ENY2: variants seen among roughly 807,000 people sequenced by gnomAD.
ENY2 encodes the protein transcription and mRNA export factor ENY2.
Under a neutral mutation model 15.9 loss-of-function variants are expected in ENY2, and 4 were observed. That is an observed-to-expected ratio of 0.25 (90% CI 0.12 to 0.57). The LOEUF is 0.57. ENY2 is among the 20% of genes least tolerant of loss of function. The pLI, the probability that ENY2 is intolerant of heterozygous loss-of-function variation, is 0.91. For synonymous variants in ENY2, 48 were observed against 38.0 expected (o/e 1.26, Z -0.97); for missense variants, 54 against 117.2 (o/e 0.46, Z 2.49).
In ENY2 at chr8:109,336,113, C is replaced by T; in HGVS notation, c.7-15C>T. ...TGTAAATGTTCTATATCTGAAAGTA[C>T]ATGTTGATGTCCAGGTTAGCAAGAT... On this transcript the variant is annotated splice_polypyrimidine_tract_variant and intron_variant, in intron 1 of 4. Transcript: ENST00000521688. 4 of 1,611,772 alleles carry T rather than the reference C, an allele frequency of 2.5e-6. No homozygotes were observed. The highest frequency in any genetic ancestry group is 1.7e-4 in the Middle Eastern group (1 of 6,056).
intron 1 of ENY2, 67 bp downstream of exon 1, chr8:109,334,541 T>G: frequency 1.3e-6 from 2 of 1,555,422 alleles, no homozygotes; most frequent in Non-Finnish European, 8.7e-7. Context: ...CGATGTACTG[T>G]CTTTCGTTAG....
intron 4 of ENY2, chr8:109,342,680 T>G (rs772684508): frequency 1.4e-6 from 1 of 697,486 alleles, no homozygotes; most frequent in South Asian, 1.5e-5. Context: ...ACTAATTTTA[T>G]TTTTTGTAGA....
At position 109,344,908 on chromosome 8, in the gene ENY2, C is replaced by G. The variant is rs898509080; in HGVS notation, c.*1427C>G. On this transcript the variant is annotated 3_prime_UTR_variant, in exon 5 of 5. Transcript: ENST00000521688. ...TAAGTGGCCTTAGTAAAATTCAAGT[C>G]TGGTTATTTTATTCCCCTGCTTGGA... 7 of 152,154 alleles carry G rather than the reference C, an allele frequency of 4.6e-5. No homozygotes were observed. Among genetic ancestry groups the G allele is most frequent in the Non-Finnish European group, 7.3e-5 (5 of 68,040 alleles). The allele number at this position is 152,154 out of a possible 1,614,324, so 9.4% of individuals were successfully genotyped here. A position where few individuals can be genotyped will look rare whatever the true frequency, so the allele number is the denominator to read the frequency against.
chr8:109,343,528 C>T lies in ENY2; in HGVS notation c.*47C>T. ...TGTGGTTTTATTTCTGAAAGTAAAACTTGCCATAAATTAGAAAACAATTTC... is the reference window on the plus strand; with the variant it reads ...TGTGGTTTTATTTCTGAAAGTAAAATTTGCCATAAATTAGAAAACAATTTC... On this transcript the variant is annotated 3_prime_UTR_variant, in exon 5 of 5. Transcript: ENST00000521688. The T allele has an allele frequency of 6.5e-7, 1 of 1,534,682 alleles. No individual in the cohort carries two copies. The highest frequency in any genetic ancestry group is 8.9e-7 in the Non-Finnish European group (1 of 1,127,208).
rs905036434 is a variant in ENY2 at position 109,344,437 on chromosome 8, T to C, written c.*956T>C. 8 of 152,212 alleles carry C rather than the reference T, an allele frequency of 5.3e-5. No individual in the cohort carries two copies. The highest frequency in any genetic ancestry group is 8.8e-5 in the Non-Finnish European group (6 of 68,076). The allele number at this position is 152,212 out of a possible 1,614,324, so 9.4% of individuals were successfully genotyped here. On this transcript the variant is annotated 3_prime_UTR_variant, in exon 5 of 5. Coordinates refer to ENST00000521688, the MANE Select transcript of ENY2 (RefSeq NM_020189.6). ...GTCAGACCGTGACTTCAAATACAGG[T>C]TGATAAATGCTAAACTGTCTCCAAA...
At chr8:109,337,544 G>A (rs1816012850) in intron 2 of ENY2, among the ~76,000 whole-genome samples, 6 of 152,130 alleles carry the variant, frequency 3.9e-5, no homozygotes, top group Admixed American at 2.6e-4. Flanking sequence ...ATGGTGATGA[G>A]CACTAGAGGA....
intron 4 of ENY2, chr8:109,340,851 T>C: frequency 3.6e-6 from 1 of 275,990 alleles, no homozygotes; most frequent in Non-Finnish European, 6.8e-6. Context: ...AAATACTACA[T>C]GAAGCTAGGA....
chr8:109,335,326 A>C (rs1385928814), intron 1 of ENY2: 1 of 150,440 alleles, frequency 6.6e-6, no homozygotes, highest in Non-Finnish European at 1.5e-5. Flanking sequence ...AAACACTTAG[A>C]GCCTTATCTA....
At position 109,340,551 on chromosome 8, in the gene ENY2, C is replaced by T; in HGVS notation, c.217C>T (p.Pro73Ser). The T allele has an allele frequency of 6.2e-7, 1 of 1,613,414 alleles. No homozygotes were observed. Among genetic ancestry groups the T allele is most frequent in the Non-Finnish European group, 8.5e-7 (1 of 1,179,552 alleles). ...TVDDLVAEIT[P>S]KGRALVPDSV... ...TGATGACTTGGTGGCTGAAATCACT[C>T]CAAAAGGCAGAGGTAAGGAATACAG... Residue 73 changes from proline (P) to serine (S), a missense_variant, in exon 4 of 5, where the codon CCA becomes TCA. By Grantham distance (74) the Pro-to-Ser change is moderately conservative. Transcript: ENST00000521688.
At chr8:109,342,234 A>G (rs940609054) in intron 4 of ENY2, among the ~76,000 whole-genome samples, 2 of 150,372 alleles carry the variant, frequency 1.3e-5, no homozygotes, top group Non-Finnish European at 3.0e-5. Flanking sequence ...AAAGTATAAC[A>G]TATAACAGTT....
intron 2 of ENY2, chr8:109,338,954 C>T: frequency 5.4e-6 from 1 of 183,792 alleles, no homozygotes; most frequent in Non-Finnish European, 1.1e-5. Context: ...TTTCGAGGTG[C>T]AGCTGCTCCA....
At chr8:109,341,110 T>G (rs1816102559) in intron 4 of ENY2, among the ~76,000 whole-genome samples, 1 of 152,124 alleles carries the variant, frequency 6.6e-6, no homozygotes, top group African/African-American at 2.4e-5. Flanking sequence ...AAAGTTAAGA[T>G]GGGAAATATT....
chr8:109,341,182 A>G (rs767657921), intron 4 of ENY2, among the ~76,000 whole-genome samples: 38 of 152,210 alleles, frequency 2.5e-4, no homozygotes, highest in Non-Finnish European at 5.1e-4. Flanking sequence ...TATCTTAGAT[A>G]TAACTACATT....
At position 109,334,436 on chromosome 8, in the gene ENY2, G is replaced by A; in HGVS notation, c.-33G>A. ...CGGTCCTCAGCGCAAGGGTCATTTC[G>A]TCGCTGGGAAGGGACGGCCCTCGCC... is the stretch of plus-strand genomic sequence containing the variant. On this transcript the variant is annotated 5_prime_UTR_variant, in exon 1 of 5. Transcript: ENST00000521688. 1 of 1,613,958 alleles carries A rather than the reference G, an allele frequency of 6.2e-7. No homozygotes were observed. Among genetic ancestry groups the A allele is most frequent in the Non-Finnish European group, 8.5e-7 (1 of 1,179,936 alleles).
intron 1 of ENY2, chr8:109,335,646 C>T (rs112645184): frequency 0.016 from 2,412 of 152,626 alleles, 22 homozygotes; most frequent in Non-Finnish European, 0.024. Flanking sequence ...CAGGTGTGAC[C>T]CACTGTGCCC....
chr8:109,334,588 C>G (rs991037989), intron 1 of ENY2, 114 bp downstream of exon 1: 8 of 1,310,024 alleles, frequency 6.1e-6, no homozygotes, highest in Non-Finnish European at 8.1e-6. Context: ...GTAGGGCTCT[C>G]CGACAGGGCG....
At position 109,334,396 on chromosome 8, in the gene ENY2, G is replaced by A. The variant is rs1815903706; in HGVS notation, c.-73G>A. 6.2e-7 allele frequency: 1 copy of A among 1,610,434 alleles called. No individual in the cohort carries two copies. The highest frequency in any genetic ancestry group is 8.5e-7 in the Non-Finnish European group (1 of 1,177,886). On this transcript the variant is annotated 5_prime_UTR_variant, in exon 1 of 5. Coordinates refer to ENST00000521688, the MANE Select transcript of ENY2 (RefSeq NM_020189.6). ...GAGGGTCTAAGTCCGGGCAGCCGAA[G>A]AGTGTGGTAGGTAACGGTCCTCAGC...
At chr8:109,335,321 C>G (rs1319145173) in intron 1 of ENY2, 1 of 151,396 alleles carries the variant, frequency 6.6e-6, no homozygotes, top group Non-Finnish European at 1.5e-5. Context: ...AAGCAAAACA[C>G]TTAGAGCCTT....
In ENY2 at chr8:109,343,463, T is replaced by G. The variant is rs770501433; in HGVS notation, c.288T>G (p.Ala96=). ...ELLQRIRTFL[A]QHASL ...TACAAAGAATAAGAACATTCCTTGC[T>G]CAGCATGCCAGCCTTTAAGATTGAA... Residue 96 remains alanine (A), a synonymous_variant, in exon 5 of 5, where the codon GCT becomes GCG. Transcript: ENST00000521688. 32 of 1,612,944 alleles carry G rather than the reference T, an allele frequency of 2.0e-5. No homozygotes were observed. The highest frequency in any genetic ancestry group is 2.5e-5 in the Non-Finnish European group (30 of 1,179,586).
Sources: allele counts gnomAD v4.1 joint callset (sites outside exome capture counted in the v4.1 genomes callset), GRCh38; gene constraint gnomAD v4.1.1; transcripts MANE v1.5; gene names NCBI Gene and HGNC (gene_info 2026-07-23, HGNC 2026-07-21).